Variants in LPP observed in about 807,000 individuals in gnomAD.
LPP encodes the protein lipoma-preferred partner.
In LPP, 38 loss-of-function variants were observed where a neutral mutation model predicts 60.4. The ratio of observed to expected loss-of-function variants is 0.63; its 90% confidence interval spans 0.49 to 0.83. LPP has a LOEUF of 0.83. Ranked by LOEUF, LPP falls within the 40% of genes least tolerant of loss-of-function variation. The pLI, the probability that LPP is intolerant of heterozygous loss-of-function variation, is 0.00. For synonymous variants in LPP, 328 were observed against 290.8 expected (o/e 1.13, Z -1.30); for missense variants, 902 against 783.6 (o/e 1.15, Z -1.80).
intron 6 of LPP, among the ~76,000 whole-genome samples, chr3:188,592,938 A>G (rs999357477): frequency 1.3e-5 from 2 of 152,196 alleles, no homozygotes; most frequent in African/African-American, 4.8e-5. Flanking sequence ...TTTAAACATT[A>G]TTTAAAAACA....
At chr3:188,336,726 C>A (rs1337999519) in intron 2 of LPP, among the ~76,000 whole-genome samples, 2 of 152,146 alleles carry the variant, frequency 1.3e-5, no homozygotes, top group Non-Finnish European at 2.9e-5. Context: ...GGTAGACCAG[C>A]TCCAGGGAAA....
intron 4 of LPP, among the ~76,000 whole-genome samples, chr3:188,428,435 A>G (rs1790032707): frequency 6.6e-6 from 1 of 152,114 alleles, no homozygotes; most frequent in Non-Finnish European, 1.5e-5. Flanking sequence ...GAATACAGAC[A>G]GTATTGTATT....
intron 1 of LPP, among the ~76,000 whole-genome samples, chr3:188,173,462 C>T (rs1397798731): frequency 1.3e-5 from 2 of 151,932 alleles, no homozygotes; most frequent in African/African-American, 2.4e-5. Flanking sequence ...TGAGATTGTG[C>T]CATTGTACTC....
rs3057781 is a variant in LPP, at chr3:188,428,596, AT to A, written c.193+22295del. Among the ~76,000 whole-genome samples the A allele has an allele frequency of 1.8e-3, 251 of 142,650 alleles. 1 individual carries two copies. Among genetic ancestry groups the A allele is most frequent in the African/African-American group, 5.6e-3 (220 of 38,994 alleles). 93.6% of individuals were successfully genotyped at this position (142,650 alleles called of 152,430 possible). Reference sequence around the variant, plus strand: ...GGATGGGCACTATATATATATATATATTTTTTTTTTTTAACACTATCCATTT... The same window carrying A: ...GGATGGGCACTATATATATATATATATTTTTTTTTTTAACACTATCCATTT... On this transcript the variant is annotated intron_variant, in intron 4 of 11. Transcript: ENST00000617246.
intron 4 of LPP, among the ~76,000 whole-genome samples, chr3:188,448,988 G>A (rs1368296475): frequency 6.6e-6 from 1 of 152,150 alleles, no homozygotes; most frequent in East Asian, 1.9e-4. Flanking sequence ...GCCTTTCGTA[G>A]TCAGAGATTA....
chr3:188,569,997 T>C (rs191356177), intron 6 of LPP, among the ~76,000 whole-genome samples: 1 of 147,236 alleles, frequency 6.8e-6, no homozygotes, highest in Non-Finnish European at 1.5e-5. Flanking sequence ...AGTCAGTTTG[T>C]ATGAATGGCA....
At chr3:188,264,780 C>A (rs1042851903) in intron 2 of LPP, among the ~76,000 whole-genome samples, 1 of 131,750 alleles carries the variant, frequency 7.6e-6, no homozygotes, top group African/African-American at 2.6e-5. Flanking sequence ...TCTTCTCTCT[C>A]TCTCTCTCTG....
chr3:188,743,415 A>G (rs1725111963), intron 8 of LPP, among the ~76,000 whole-genome samples: 1 of 152,050 alleles, frequency 6.6e-6, no homozygotes, highest in African/African-American at 2.4e-5. Flanking sequence ...ACCCAGAGGA[A>G]GAGAATCCTT....
At chr3:188,232,173 A>C (rs1015635259) in intron 2 of LPP, among the ~76,000 whole-genome samples, 13 of 152,172 alleles carry the variant, frequency 8.5e-5, no homozygotes, top group African/African-American at 2.4e-4. Context: ...TCACATAACT[A>C]GAAAAATTAA....
intron 2 of LPP, among the ~76,000 whole-genome samples, chr3:188,255,758 G>A (rs1731447374): frequency 6.6e-6 from 1 of 152,104 alleles, no homozygotes; most frequent in Non-Finnish European, 1.5e-5. Context: ...TACCTTTAAG[G>A]ATGCACTGAC....
intron 8 of LPP, 79 bp from the exon 9 acceptor site, chr3:188,760,034 C>A: frequency 1.5e-6 from 2 of 1,293,166 alleles, no homozygotes; most frequent in Non-Finnish European, 1.1e-6. Context: ...ACGTTATGAA[C>A]CTGCTTTCTC....
chr3:188,240,491 T>C (rs540530140), intron 2 of LPP, among the ~76,000 whole-genome samples: 1 of 152,174 alleles, frequency 6.6e-6, no homozygotes, highest in African/African-American at 2.4e-5. Flanking sequence ...AAGGAAGTCT[T>C]ATACGTACTG....
chr3:188,290,331 G>A (rs913392776), intron 2 of LPP, among the ~76,000 whole-genome samples: 1 of 152,170 alleles, frequency 6.6e-6, no homozygotes, highest in Non-Finnish European at 1.5e-5. Context: ...CATTGCTTGG[G>A]TTTGGATCCA....
At position 188,880,317 on chromosome 3, in the gene LPP, C is replaced by T. The variant is rs939990001; in HGVS notation, c.*5838C>T. ...AAGTGCTGGGATTACAGGCGTGAGC[C>T]ACCGTGCCCCGCGTGTTTTTTTCTT... On this transcript the variant is annotated 3_prime_UTR_variant, in exon 12 of 12. Coordinates refer to ENST00000617246, the MANE Select transcript of LPP (RefSeq NM_001375462.1). 4.0e-4 allele frequency: 70 copies of T among 175,752 alleles called. No individual in the cohort carries two copies. Among genetic ancestry groups the T allele is most frequent in the Non-Finnish European group, 8.6e-5 (7 of 81,590 alleles). The allele number at this position is 175,752 out of a possible 1,614,324, so 10.9% of individuals were successfully genotyped here.
intron 8 of LPP, among the ~76,000 whole-genome samples, chr3:188,731,058 G>C (rs900422816): frequency 6.6e-6 from 1 of 152,136 alleles, no homozygotes; most frequent in Non-Finnish European, 1.5e-5. Flanking sequence ...TATCTGCAAA[G>C]TCCGTTTTGT....
chr3:188,407,799 T>TGTTTTTTTTG (rs1560364657), intron 4 of LPP, among the ~76,000 whole-genome samples: 4 of 138,524 alleles, frequency 2.9e-5, no homozygotes, highest in East Asian at 4.3e-4. Context: ...TTTTTTTTTT[T>TGTTTTTTTTG]TTTTTTTTGA....
intron 6 of LPP, among the ~76,000 whole-genome samples, chr3:188,580,599 A>C (rs9840806): frequency 0.15 from 22,340 of 152,150 alleles, 1,962 homozygotes; most frequent in East Asian, 0.38. Flanking sequence ...TGTTGTATTT[A>C]GGGTGGGAAT....
At chr3:188,166,319 G>A (rs978538981) in intron 1 of LPP, among the ~76,000 whole-genome samples, 2 of 152,106 alleles carry the variant, frequency 1.3e-5, no homozygotes, top group Non-Finnish European at 2.9e-5. Context: ...GGATGATTGA[G>A]CTCTAAGAAT....
At chr3:188,713,165 A>G (rs1712305695) in intron 8 of LPP, among the ~76,000 whole-genome samples, 1 of 152,150 alleles carries the variant, frequency 6.6e-6, no homozygotes, top group African/African-American at 2.4e-5. Context: ...GTGCCAACTG[A>G]ATGTAGGAAG....
Sources: gnomAD v4.1 joint callset for allele counts (sites outside exome capture counted in the v4.1 genomes callset) on GRCh38, gnomAD v4.1.1 for gene constraint, MANE v1.5 for transcripts, NCBI Gene and HGNC (gene_info 2026-07-23, HGNC 2026-07-21) for gene names.